Variants in SPATS2 observed in about 807,000 individuals in gnomAD.
The protein encoded by SPATS2 is spermatogenesis associated serine rich 2.
In SPATS2, 38 loss-of-function variants were observed where a neutral mutation model predicts 63.7. That is an observed-to-expected ratio of 0.60 (90% CI 0.46 to 0.78). The LOEUF (loss-of-function observed/expected upper bound fraction) is 0.78. Ranked by LOEUF, SPATS2 falls within the 30% of genes least tolerant of loss-of-function variation. The pLI is 0.00. For missense variants in SPATS2, 588 were observed against 666.2 expected (o/e 0.88, Z 1.29); for synonymous variants, 207 against 232.9 (o/e 0.89, Z 1.01).
intron 2 of SPATS2, among the ~76,000 whole-genome samples, chr12:49,424,771 C>T (rs1945043058): frequency 6.6e-6 from 1 of 152,136 alleles, no homozygotes; most frequent in Non-Finnish European, 1.5e-5. Flanking sequence ...CCGCCCCCCA[C>T]CAGATTCAAG....
chr12:49,415,104 A>AT (rs1037881047), intron 2 of SPATS2, among the ~76,000 whole-genome samples: 10 of 150,754 alleles, frequency 6.6e-5, no homozygotes, highest in Non-Finnish European at 1.3e-4. Flanking sequence ...TAATTTTTGT[A>AT]TTTTTTTAGT....
At chr12:49,403,769 AT>A (rs1944649440) in intron 2 of SPATS2, among the ~76,000 whole-genome samples, 1 of 152,126 alleles carries the variant, frequency 6.6e-6, no homozygotes. Context: ...ATAGTAAGGA[AT>A]TTGGGGCCTC....
At position 49,496,882 on chromosome 12, in the gene SPATS2, T is replaced by A; in HGVS notation, c.576T>A (p.Thr192=). 1 of 1,614,144 alleles carries A rather than the reference T, an allele frequency of 6.2e-7. No individual in the cohort carries two copies. The change falls in exon 8 of 14, where the codon ACT becomes ACA. Residue 192 remains threonine (T), a synonymous_variant. Transcript: ENST00000552918. ...CTGATTTTGAGACCAAGTCTTTGAC[T>A]ATGCACTCTATTCACAATTCTCAAC... ...GVSDFETKSL[T]MHSIHNSQQP...
At position 49,500,729 on chromosome 12, in the gene SPATS2, G is replaced by A. The variant is rs374340938; in HGVS notation, c.839+524G>A. ...GGAGCTTGCAGTGAGCCAAGATCTC[G>A]CCACTGCACTCCAGGCTGGGCGACA... is the stretch of plus-strand genomic sequence containing the variant. On this transcript the variant is annotated intron_variant, in intron 9 of 13. Coordinates refer to ENST00000552918, the MANE Select transcript of SPATS2 (RefSeq NM_023071.4). Among the ~76,000 whole-genome samples, 76 of 151,758 alleles carry A rather than the reference G, an allele frequency of 5.0e-4. No homozygotes were observed. The South Asian group carries it at 0.013, about 26-fold the overall frequency.
intron 9 of SPATS2, chr12:49,512,884 C>A: frequency 7.8e-7 from 1 of 1,288,998 alleles, no homozygotes; most frequent in Non-Finnish European, 1.0e-6. Flanking sequence ...TGCTAGAGTT[C>A]TTGGAGCAAA....
intron 2 of SPATS2, among the ~76,000 whole-genome samples, chr12:49,453,176 A>T (rs1327898464): frequency 6.6e-6 from 1 of 151,760 alleles, no homozygotes; most frequent in South Asian, 2.1e-4. Context: ...AAAAAAAAAA[A>T]AGAAATTTGG....
rs73295295 is a variant in SPATS2, at chr12:49,384,594, A to G, written c.-244+13304A>G. On this transcript the variant is annotated intron_variant, in intron 2 of 13. Transcript: ENST00000552918. Reference sequence around the variant, plus strand: ...GCATGCATAAATGTTTTTTGATAACAGTGAGATCATACAACATACTGCAAT... The same window carrying G: ...GCATGCATAAATGTTTTTTGATAACGGTGAGATCATACAACATACTGCAAT... 6.0e-3 allele frequency among the ~76,000 whole-genome samples: 911 copies of G among 152,330 alleles called. 10 individuals carry two copies. Among genetic ancestry groups the G allele is most frequent in the African/African-American group, 0.02 (834 of 41,580 alleles).
At chr12:49,386,387 C>A (rs553175566) in intron 2 of SPATS2, among the ~76,000 whole-genome samples, 63 of 152,244 alleles carry the variant, frequency 4.1e-4, no homozygotes, top group South Asian at 1.9e-3. Context: ...TGGTCTCAAA[C>A]TCCTGACCTC....
intron 2 of SPATS2, among the ~76,000 whole-genome samples, chr12:49,446,696 C>T (rs959651568): frequency 1.3e-5 from 2 of 152,190 alleles, no homozygotes; most frequent in African/African-American, 4.8e-5. Context: ...AAATTTCTCC[C>T]GTCTTAAGGG....
intron 8 of SPATS2, among the ~76,000 whole-genome samples, chr12:49,497,685 C>T (rs994500791): frequency 2.6e-5 from 4 of 152,122 alleles, no homozygotes; most frequent in Admixed American, 2.0e-4. Flanking sequence ...TGAGCCACTG[C>T]GCCCAGCCAA....
At chr12:49,377,638 A>G (rs1357729577) in intron 2 of SPATS2, among the ~76,000 whole-genome samples, 2 of 152,176 alleles carry the variant, frequency 1.3e-5, no homozygotes, top group Non-Finnish European at 2.9e-5. Context: ...ATGTGTATCT[A>G]CTGAATGGCG....
intron 2 of SPATS2, among the ~76,000 whole-genome samples, chr12:49,394,124 A>G (rs6580711): frequency 0.3 from 44,949 of 151,808 alleles, 8,992 homozygotes; most frequent in African/African-American, 0.57. Context: ...ATAGTGGGAA[A>G]ATTGCTTGAG....
At chr12:49,508,799 C>T (rs2138004180) in intron 9 of SPATS2, among the ~76,000 whole-genome samples, 1 of 151,450 alleles carries the variant, frequency 6.6e-6, no homozygotes, top group Non-Finnish European at 1.5e-5. Flanking sequence ...TGCAGTAGCT[C>T]ACGCCTGTAA....
chr12:49,485,194 G>T (rs916385855), intron 4 of SPATS2, among the ~76,000 whole-genome samples: 23 of 151,080 alleles, frequency 1.5e-4, no homozygotes, highest in African/African-American at 5.4e-4. Context: ...GCCTCTCCAA[G>T]TAGCTGGGAC....
intron 2 of SPATS2, among the ~76,000 whole-genome samples, chr12:49,400,911 C>T (rs747750804): frequency 5.3e-5 from 8 of 152,070 alleles, no homozygotes; most frequent in Admixed American, 5.2e-4. Context: ...GATCTTACTC[C>T]GTCAGCCAGG....
chr12:49,371,761 A>G (rs1039154264), intron 2 of SPATS2, among the ~76,000 whole-genome samples: 11 of 151,932 alleles, frequency 7.2e-5, no homozygotes, highest in Admixed American at 3.3e-4. Flanking sequence ...AGGTGGGGGG[A>G]AGTGCTACAC....
At chr12:49,460,703 T>G in intron 2 of SPATS2, 67 bp from the exon 3 acceptor site, 1 of 312,236 alleles carries the variant, frequency 3.2e-6, no homozygotes, top group Non-Finnish European at 5.8e-6. Context: ...CTTGTGGATA[T>G]CTCAGAAATT....
chr12:49,512,786 G>A (rs1300579705), intron 9 of SPATS2: 23 of 1,040,320 alleles, frequency 2.2e-5, no homozygotes, highest in Non-Finnish European at 3.0e-5. Context: ...AGGTGATTTG[G>A]CAACATAAGA....
At chr12:49,459,756 T>A (rs1308291516) in intron 2 of SPATS2, among the ~76,000 whole-genome samples, 1 of 37,482 alleles carries the variant, frequency 2.7e-5, no homozygotes, top group Non-Finnish European at 4.6e-5. Flanking sequence ...CCCCCCCCCA[T>A]ATTTTTTATA....
Sources: allele counts gnomAD v4.1 joint callset (sites outside exome capture counted in the v4.1 genomes callset), GRCh38; gene constraint gnomAD v4.1.1; transcripts MANE v1.5; gene names NCBI Gene and HGNC (gene_info 2026-07-23, HGNC 2026-07-21).